Variants in CERS5 observed in about 807,000 individuals in gnomAD.
CERS5 encodes the protein ceramide synthase 5, also known as LAG1 homolog, ceramide synthase 5.
In CERS5, 37 loss-of-function variants were observed where a neutral mutation model predicts 58.9. The ratio of observed to expected loss-of-function variants is 0.63; its 90% CI spans 0.48 to 0.83. The LOEUF is 0.83. Ranked by LOEUF, CERS5 falls within the 40% of genes least tolerant of loss-of-function variation. CERS5 has a pLI of 0.00. For missense variants in CERS5, 398 were observed against 489.3 expected (o/e 0.81, Z 1.76); for synonymous variants, 147 against 177.8 (o/e 0.83, Z 1.38).
rs1461391469 is a variant in CERS5 at position 50,166,185 on chromosome 12, T to C, written c.197+916A>G. The C allele has an allele frequency of 1.4e-5, 3 of 220,118 alleles. No homozygotes were observed. The Admixed American group carries it at 1.8e-4, about 13-fold the overall frequency. 13.6% of individuals were successfully genotyped at this position (220,118 alleles called of 1,614,324 possible). A position where few individuals can be genotyped will look rare whatever the true frequency, so the allele number is the denominator to read the frequency against. On this transcript the variant is annotated intron_variant, in intron 1 of 9. Transcript: ENST00000317551. ...TAAAAATACAAAAAGTAGCCGGGCGTGGTGGCGCGTGCCTGTAATTCCAGC... is the reference window on the plus strand; with the variant it reads ...TAAAAATACAAAAAGTAGCCGGGCGCGGTGGCGCGTGCCTGTAATTCCAGC...
At chr12:50,134,071 G>GAAA (rs57888855) in intron 9 of CERS5, 19,789 of 79,368 alleles carry the variant, frequency 0.25, 3,208 homozygotes, top group East Asian at 0.76. Context: ...GATTCCATCT[G>GAAA]AAAAAAAAAA....
At chr12:50,163,766 C>T (rs916325255) in intron 1 of CERS5, among the ~76,000 whole-genome samples, 8 of 152,124 alleles carry the variant, frequency 5.3e-5, no homozygotes, top group Non-Finnish European at 1.0e-4. Context: ...CTGCCTCAGC[C>T]TCCCAAGTAG....
chr12:50,133,326 A>C (rs1331630026), intron 9 of CERS5: 3 of 1,066,784 alleles, frequency 2.8e-6, no homozygotes, highest in East Asian at 1.4e-4. Context: ...CAAAACTTGC[A>C]AAGTTCAATT....
chr12:50,148,694 T>C, intron 1 of CERS5: 2 of 193,016 alleles, frequency 1.0e-5, no homozygotes, highest in South Asian at 1.1e-4. Flanking sequence ...GTCAGGAGTT[T>C]GAAACCAGCC....
At chr12:50,145,981 G>C (rs11169284) in intron 1 of CERS5, among the ~76,000 whole-genome samples, 47,231 of 151,964 alleles carry the variant, frequency 0.31, 8,187 homozygotes, top group East Asian at 0.76. Context: ...CCATATCAGA[G>C]ATAAAAATCA....
At position 50,144,714 on chromosome 12, in the gene CERS5, C is replaced by T. The variant is rs1592374729; in HGVS notation, c.198-657G>A. 4 of 1,014,444 alleles carry T rather than the reference C, an allele frequency of 3.9e-6. No individual in the cohort carries two copies. In the East Asian group the frequency reaches 7.8e-5, roughly 20 times the overall value. The allele number at this position is 1,014,444 out of a possible 1,614,324, so 62.8% of individuals were successfully genotyped here. A position where few individuals can be genotyped will look rare whatever the true frequency, so the allele number is the denominator to read the frequency against. On this transcript the variant is annotated intron_variant, in intron 1 of 9. Coordinates refer to ENST00000317551, the MANE Select transcript of CERS5 (RefSeq NM_147190.5). ...GAGAAGGAAATCACCTATTAGCACT[C>T]TATCGTAGTCTCAGATCTACTAATA...
chr12:50,157,391 T>TTACTG (rs1419036970), intron 1 of CERS5, among the ~76,000 whole-genome samples: 2 of 151,284 alleles, frequency 1.3e-5, no homozygotes, highest in Non-Finnish European at 2.9e-5. Context: ...AAAACAGTAA[T>TTACTG]TACTGTACTA....
At chr12:50,135,702 C>T (rs542438809) in intron 8 of CERS5, 30 bp downstream of exon 8, 3 of 1,477,192 alleles carry the variant, frequency 2.0e-6, no homozygotes, top group Middle Eastern at 1.7e-4. Context: ...AGGCTCATAC[C>T]TACCACAACT....
chr12:50,143,859 C>T, intron 2 of CERS5, 93 bp downstream of exon 2: 1 of 785,678 alleles, frequency 1.3e-6, no homozygotes, highest in Non-Finnish European at 2.3e-6. Context: ...CCCATCCTAT[C>T]CTTACCCTTA....
At chr12:50,141,952 AAAAAAAG>A in intron 4 of CERS5, 94 bp downstream of exon 4, 1 of 754,072 alleles carries the variant, frequency 1.3e-6, no homozygotes, top group African/African-American at 1.8e-5. Context: ...AAAAAAAAAA[AAAAAAAG>A]AAAAGAAAAA....
intron 1 of CERS5, among the ~76,000 whole-genome samples, chr12:50,163,180 G>T (rs1025322395): frequency 1.3e-5 from 2 of 151,928 alleles, no homozygotes. Flanking sequence ...TTACAGGTGT[G>T]AGCCACCATG....
At chr12:50,155,544 G>A (rs2138212103) in intron 1 of CERS5, among the ~76,000 whole-genome samples, 1 of 151,166 alleles carries the variant, frequency 6.6e-6, no homozygotes, top group East Asian at 2.0e-4. Context: ...AGACCATCCT[G>A]GCTAACAGGG....
At chr12:50,160,927 T>C (rs536447651) in intron 1 of CERS5, among the ~76,000 whole-genome samples, 1 of 152,316 alleles carries the variant, frequency 6.6e-6, no homozygotes, top group East Asian at 1.9e-4. Flanking sequence ...TAGAAAAGTG[T>C]ACAACATGCA....
rs1328256783 is a variant in CERS5 at position 50,167,244 on chromosome 12, G to A, written c.54C>T (p.Ser18=). Residue 18 remains serine, a synonymous_variant, in exon 1 of 10, where the codon AGC becomes AGT. Coordinates refer to ENST00000317551, the MANE Select transcript of CERS5 (RefSeq NM_147190.5). The part of the protein sequence containing the change: ...PLSLLWGWLW[S]ERFWLPENVS... Reference sequence around the variant, plus strand: ...CGTTCTCGGGTAGCCAGAAGCGCTCGCTCCACAGCCAGCCCCACAGCAAGC... The same window carrying A: ...CGTTCTCGGGTAGCCAGAAGCGCTCACTCCACAGCCAGCCCCACAGCAAGC... The A allele has an allele frequency of 6.3e-7, 1 of 1,599,124 alleles. No homozygotes were observed.
chr12:50,141,975 A>T, intron 4 of CERS5, 78 bp downstream of exon 4: 1 of 842,066 alleles, frequency 1.2e-6, no homozygotes, highest in Non-Finnish European at 1.9e-6. Flanking sequence ...AAAAAAATCT[A>T]AAGGTATTTA....
chr12:50,154,163 G>C (rs1256463891), intron 1 of CERS5: 3 of 285,376 alleles, frequency 1.1e-5, no homozygotes, highest in Non-Finnish European at 2.1e-5. Flanking sequence ...GACCATCCTG[G>C]CCAACATGGT....
intron 1 of CERS5, among the ~76,000 whole-genome samples, chr12:50,160,660 A>G (rs1266152907): frequency 6.6e-6 from 1 of 152,230 alleles, no homozygotes; most frequent in Non-Finnish European, 1.5e-5. Flanking sequence ...ATATTGTCTC[A>G]AACTCCTACT....
At chr12:50,162,591 C>T (rs1180629980) in intron 1 of CERS5, among the ~76,000 whole-genome samples, 1 of 151,054 alleles carries the variant, frequency 6.6e-6, no homozygotes, top group East Asian at 1.9e-4. Context: ...CAATATACCT[C>T]TTTATCTCTC....
intron 9 of CERS5, among the ~76,000 whole-genome samples, 199 bp from the exon 10 acceptor site, chr12:50,130,893 C>T (rs1485067942): frequency 6.6e-6 from 1 of 152,154 alleles, no homozygotes; most frequent in Admixed American, 6.5e-5. Flanking sequence ...TTGTCATCTC[C>T]AATTCTGTTC....
Sources: gnomAD v4.1 joint callset for allele counts (sites outside exome capture counted in the v4.1 genomes callset) on GRCh38, gnomAD v4.1.1 for gene constraint, MANE v1.5 for transcripts, NCBI Gene and HGNC (gene_info 2026-07-23, HGNC 2026-07-21) for gene names.